FKBP5: variants seen among roughly 807,000 people sequenced by gnomAD.
The protein encoded by FKBP5 is FKBP prolyl isomerase 5.
Under a neutral mutation model 50.5 loss-of-function variants are expected in FKBP5, and 23 were observed. The observed-to-expected ratio is 0.46, with a 90% CI of 0.33 to 0.65. FKBP5 has a LOEUF of 0.65. FKBP5 is among the 30% of genes least tolerant of loss of function. The pLI is 0.02. For synonymous variants in FKBP5, 176 were observed against 190.6 expected (o/e 0.92, Z 0.63); for missense variants, 411 against 553.1 (o/e 0.74, Z 2.58).
At chr6:35,602,509 G>A (rs969645577) in intron 5 of FKBP5, among the ~76,000 whole-genome samples, 1 of 152,052 alleles carries the variant, frequency 6.6e-6, no homozygotes, top group African/African-American at 2.4e-5. Flanking sequence ...CACTGAGCAA[G>A]AGTTTTCTCT....
At chr6:35,721,786 T>G (rs1460033310) in intron 1 of FKBP5, among the ~76,000 whole-genome samples, 7 of 152,252 alleles carry the variant, frequency 4.6e-5, no homozygotes, top group Non-Finnish European at 7.3e-5. Context: ...AAATGCGTAC[T>G]CCCAGTTGTG....
chr6:35,611,376 GTC>G (rs937846950), intron 5 of FKBP5, among the ~76,000 whole-genome samples: 11 of 152,124 alleles, frequency 7.2e-5, no homozygotes, highest in African/African-American at 2.4e-4. Context: ...ACTGCTGACT[GTC>G]TGCATTCTTT....
chr6:35,581,096 C>A, intron 8 of FKBP5: 2 of 965,108 alleles, frequency 2.1e-6, no homozygotes, highest in Non-Finnish European at 2.5e-6. Context: ...ACTGTACTTA[C>A]AAAAACAGGC....
At chr6:35,676,699 A>G (rs1182668487) in intron 1 of FKBP5, among the ~76,000 whole-genome samples, 1 of 152,204 alleles carries the variant, frequency 6.6e-6, no homozygotes, top group Non-Finnish European at 1.5e-5. Context: ...ATCTAGGGCA[A>G]TATAGTATTT....
chr6:35,669,473 G>C (rs1043000430), intron 1 of FKBP5, among the ~76,000 whole-genome samples: 43 of 152,150 alleles, frequency 2.8e-4, no homozygotes, highest in African/African-American at 8.2e-4. Context: ...GTTTTCAAAA[G>C]AGCATGGTTT....
At chr6:35,676,880 T>A (rs1320863499) in intron 1 of FKBP5, among the ~76,000 whole-genome samples, 2 of 152,202 alleles carry the variant, frequency 1.3e-5, no homozygotes, top group African/African-American at 4.8e-5. Flanking sequence ...CCAAGACCCC[T>A]GGAAGCTAGA....
intron 2 of FKBP5, among the ~76,000 whole-genome samples, chr6:35,700,175 T>A (rs997971689): frequency 1.3e-5 from 2 of 152,154 alleles, no homozygotes; most frequent in Admixed American, 6.5e-5. Flanking sequence ...TTATTTATTT[T>A]TTTCTGAGAC....
At chr6:35,631,887 G>A (rs369782090) in intron 3 of FKBP5, among the ~76,000 whole-genome samples, 17 of 150,812 alleles carry the variant, frequency 1.1e-4, no homozygotes, top group African/African-American at 3.7e-4. Context: ...TCCGGGAGGC[G>A]GAGGTTGCAA....
At chr6:35,676,816 A>G (rs987736724) in intron 1 of FKBP5, among the ~76,000 whole-genome samples, 45 of 152,330 alleles carry the variant, frequency 3.0e-4, no homozygotes, top group African/African-American at 1.1e-3. Context: ...AGAAATCTCC[A>G]TAAACTGACC....
At chr6:35,670,131 T>G (rs547124179) in intron 1 of FKBP5, among the ~76,000 whole-genome samples, 2 of 152,324 alleles carry the variant, frequency 1.3e-5, no homozygotes, top group Admixed American at 1.3e-4. Flanking sequence ...TGACCTTAGT[T>G]TGTATCTTCA....
At chr6:35,676,004 G>C (rs1307568963) in intron 1 of FKBP5, among the ~76,000 whole-genome samples, 1 of 152,104 alleles carries the variant, frequency 6.6e-6, no homozygotes, top group East Asian at 1.9e-4. Flanking sequence ...ATCAGTAATA[G>C]CTTAGACTCA....
At chr6:35,585,406 T>C (rs529601883) in intron 8 of FKBP5, 1 of 984,008 alleles carries the variant, frequency 1.0e-6, no homozygotes, top group Non-Finnish European at 1.2e-6. Context: ...ACCAAAAAAA[T>C]AACACTTGTT....
chr6:35,670,536 T>C (rs368637977), intron 1 of FKBP5, among the ~76,000 whole-genome samples: 9 of 151,786 alleles, frequency 5.9e-5, no homozygotes, highest in African/African-American at 2.2e-4. Flanking sequence ...AAGTTCGCCC[T>C]GGCCAATATG....
chr6:35,695,587 C>A (rs971067667), intron 2 of FKBP5, among the ~76,000 whole-genome samples: 1 of 152,208 alleles, frequency 6.6e-6, no homozygotes, highest in Non-Finnish European at 1.5e-5. Flanking sequence ...CACAGACACA[C>A]AACCTTGTAT....
intron 2 of FKBP5, among the ~76,000 whole-genome samples, chr6:35,711,985 T>A (rs191401395): frequency 1.1e-4 from 17 of 150,278 alleles, no homozygotes; most frequent in Middle Eastern, 3.4e-3. Context: ...ATGATCCTCC[T>A]ACTTAAGCCT....
intron 2 of FKBP5, among the ~76,000 whole-genome samples, chr6:35,642,051 A>G (rs1346778807): frequency 6.6e-6 from 1 of 151,502 alleles, no homozygotes; most frequent in Non-Finnish European, 1.5e-5. Context: ...ACCCCTTTGA[A>G]TTTTTCAAGT....
chr6:35,648,243 G>T (rs1390232568), intron 1 of FKBP5, among the ~76,000 whole-genome samples: 1 of 152,122 alleles, frequency 6.6e-6, no homozygotes, highest in Non-Finnish European at 1.5e-5. Flanking sequence ...TACCCTAAGA[G>T]AAATTCTTTG....
intron 1 of FKBP5, among the ~76,000 whole-genome samples, chr6:35,657,067 T>C (rs80293420): frequency 2.0e-5 from 3 of 147,434 alleles, no homozygotes; most frequent in Admixed American, 2.0e-4. Flanking sequence ...AAAAAAAAAC[T>C]AGCCGGGAGT....
intron 1 of FKBP5, 76 bp from the exon 2 acceptor site, chr6:35,642,919 C>T (rs1764536672): frequency 9.8e-7 from 1 of 1,021,584 alleles, no homozygotes; most frequent in Non-Finnish European, 1.5e-6. Context: ...GGGAACTGAG[C>T]TCTACCTAAC....
Sources: gnomAD v4.1 joint callset for allele counts (sites outside exome capture counted in the v4.1 genomes callset) on GRCh38, gnomAD v4.1.1 for gene constraint, MANE v1.5 for transcripts, NCBI Gene and HGNC (gene_info 2026-07-23, HGNC 2026-07-21) for gene names.